Variants in TENM4 observed in about 807,000 individuals in gnomAD.
The protein encoded by TENM4 is teneurin transmembrane protein 4.
Under a neutral mutation model 243.3 loss-of-function variants are expected in TENM4, and 82 were observed. The observed-to-expected ratio is 0.34, with a 90% confidence interval of 0.28 to 0.40. TENM4 has a LOEUF of 0.40. Among genes scored for constraint, TENM4 ranks in the 10% least tolerant of loss-of-function variants. The probability of loss-of-function intolerance (pLI) is 1.00; values close to 1 mark genes in which losing one functional copy is unlikely to be tolerated. For synonymous variants in TENM4, 1,412 were observed against 1,456.3 expected (o/e 0.97, Z 0.69); for missense variants, 3,138 against 3,673.3 (o/e 0.85, Z 3.77).
chr11:79,323,651 A>ACTT (rs1856927985), intron 1 of TENM4, among the ~76,000 whole-genome samples: 1 of 152,218 alleles, frequency 6.6e-6, no homozygotes, highest in Admixed American at 6.5e-5. Flanking sequence ...CAATCACCTG[A>ACTT]CTTTAAGTAA....
intron 18 of TENM4, among the ~76,000 whole-genome samples, chr11:78,758,441 A>G (rs1382630081): frequency 6.6e-6 from 1 of 152,222 alleles, no homozygotes; most frequent in Non-Finnish European, 1.5e-5. Context: ...TTCAGAGACT[A>G]AAGTTCAAGA....
chr11:78,871,867 A>G (rs1859139672), intron 9 of TENM4, among the ~76,000 whole-genome samples: 1 of 152,192 alleles, frequency 6.6e-6, no homozygotes, highest in Non-Finnish European at 1.5e-5. Flanking sequence ...CAAGGAAAGG[A>G]AGGAGACAGA....
chr11:78,846,666 C>T (rs912672132), intron 12 of TENM4, among the ~76,000 whole-genome samples: 3 of 152,152 alleles, frequency 2.0e-5, no homozygotes, highest in Non-Finnish European at 4.4e-5. Flanking sequence ...GCAGCTTCTC[C>T]TTTTTCTCAG....
intron 4 of TENM4, among the ~76,000 whole-genome samples, chr11:79,127,753 T>TA (rs1355645470): frequency 6.6e-6 from 1 of 152,188 alleles, no homozygotes; most frequent in Non-Finnish European, 1.5e-5. Context: ...ATGCTGGACT[T>TA]ATTGGTGAGA....
chr11:78,918,617 C>G (rs1166935909), intron 6 of TENM4, among the ~76,000 whole-genome samples: 2 of 152,158 alleles, frequency 1.3e-5, no homozygotes, highest in East Asian at 3.8e-4. Context: ...AAGAAAATGT[C>G]TCTTGACAAT....
chr11:78,837,158 C>T (rs1255092695), intron 12 of TENM4, among the ~76,000 whole-genome samples: 1 of 152,134 alleles, frequency 6.6e-6, no homozygotes, highest in Admixed American at 6.5e-5. Context: ...TTCCATAATT[C>T]CCATACGTTG....
At chr11:79,026,884 C>A (rs1221318313) in intron 6 of TENM4, among the ~76,000 whole-genome samples, 12 of 152,122 alleles carry the variant, frequency 7.9e-5, no homozygotes, top group Admixed American at 7.9e-4. Context: ...TCCTTCCATC[C>A]AAACAACCCT....
At chr11:78,929,395 AAG>A (rs1856622638) in intron 6 of TENM4, among the ~76,000 whole-genome samples, 1 of 152,198 alleles carries the variant, frequency 6.6e-6, no homozygotes, top group African/African-American at 2.4e-5. Flanking sequence ...GGGAGGGGGA[AAG>A]TTTAATTAAA....
At chr11:79,005,579 C>G (rs1007574167) in intron 6 of TENM4, among the ~76,000 whole-genome samples, 1 of 152,114 alleles carries the variant, frequency 6.6e-6, no homozygotes, top group African/African-American at 2.4e-5. Flanking sequence ...CCTCAACAAA[C>G]TAGGCATTGA....
chr11:79,426,485 A>G (rs895651056), intron 1 of TENM4, among the ~76,000 whole-genome samples: 1 of 152,192 alleles, frequency 6.6e-6, no homozygotes, highest in Non-Finnish European at 1.5e-5. Flanking sequence ...ATGCGATAAT[A>G]TAGGCCAAAT....
intron 6 of TENM4, among the ~76,000 whole-genome samples, chr11:79,002,907 C>T (rs1456387896): frequency 6.6e-6 from 1 of 151,964 alleles, no homozygotes; most frequent in Non-Finnish European, 1.5e-5. Context: ...TACAACAGAA[C>T]AATACAGGAG....
rs1431964458 is a variant in TENM4 at position 78,683,294 on chromosome 11, G to T, written c.5260+4760C>A. Among the ~76,000 whole-genome samples, 3 of 70,248 alleles carry T rather than the reference G, an allele frequency of 4.3e-5. No individual in the cohort carries two copies. In the East Asian group the frequency reaches 6.4e-4, roughly 15 times the overall value. The allele number at this position is 70,248 out of a possible 152,430, so 46.1% of individuals were successfully genotyped here. Reference sequence around the variant, plus strand: ...AGGCAGGCAGGCCTCCTTGAGCTGTGGTGGGCTCCACCCAGTTCGAGCTTC... The same window carrying T: ...AGGCAGGCAGGCCTCCTTGAGCTGTTGTGGGCTCCACCCAGTTCGAGCTTC... On this transcript the variant is annotated intron_variant, in intron 29 of 33. Coordinates refer to ENST00000278550, the MANE Select transcript of TENM4 (RefSeq NM_001098816.3).
chr11:79,145,009 A>C (rs1306174244), intron 4 of TENM4, among the ~76,000 whole-genome samples: 1 of 152,060 alleles, frequency 6.6e-6, no homozygotes, highest in Non-Finnish European at 1.5e-5. Context: ...ATCAGCATGC[A>C]TTGTATGCCT....
intron 4 of TENM4, among the ~76,000 whole-genome samples, chr11:79,120,778 T>C (rs76070428): frequency 0.011 from 1,629 of 152,336 alleles, 19 homozygotes; most frequent in African/African-American, 0.026. Flanking sequence ...TGAATGGAGA[T>C]GATCACAACC....
intron 4 of TENM4, among the ~76,000 whole-genome samples, chr11:79,132,670 T>C (rs1177778809): frequency 6.6e-6 from 1 of 151,964 alleles, no homozygotes; most frequent in Non-Finnish European, 1.5e-5. Context: ...TGGAATAAAA[T>C]TGGAAATCAA....
At chr11:79,162,062 G>A (rs1274669171) in intron 3 of TENM4, among the ~76,000 whole-genome samples, 2 of 152,208 alleles carry the variant, frequency 1.3e-5, no homozygotes, top group African/African-American at 4.8e-5. Context: ...AGTGGCCTAT[G>A]GAAAGCACAG....
chr11:79,034,872 T>C (rs1859336292), intron 6 of TENM4, among the ~76,000 whole-genome samples: 2 of 152,170 alleles, frequency 1.3e-5, no homozygotes, highest in Non-Finnish European at 1.5e-5. Context: ...CTAGTTTTCA[T>C]AGAACTTTCA....
intron 14 of TENM4, among the ~76,000 whole-genome samples, chr11:78,807,758 C>CT (rs1857419898): frequency 6.6e-6 from 1 of 152,142 alleles, no homozygotes; most frequent in African/African-American, 2.4e-5. Flanking sequence ...CAGGCCCCTC[C>CT]TAATAGGAAC....
intron 2 of TENM4, among the ~76,000 whole-genome samples, chr11:79,252,845 A>G (rs1363999250): frequency 1.3e-5 from 2 of 152,128 alleles, no homozygotes; most frequent in African/African-American, 2.4e-5. Context: ...AACCCCCCAG[A>G]GCCCAGTTTA....
Sources: gnomAD v4.1 joint callset for allele counts (sites outside exome capture counted in the v4.1 genomes callset) on GRCh38, gnomAD v4.1.1 for gene constraint, MANE v1.5 for transcripts, NCBI Gene and HGNC (gene_info 2026-07-23, HGNC 2026-07-21) for gene names.